Variants in EGLN1 observed in about 807,000 individuals in gnomAD.
EGLN1 encodes egl nine homolog 1.
In EGLN1, 17 loss-of-function variants were observed where a neutral mutation model predicts 38.3. That is an observed-to-expected ratio of 0.44 (90% CI 0.30 to 0.67). The LOEUF is 0.67. Among genes scored for constraint, EGLN1 ranks in the 30% least tolerant of loss-of-function variants. EGLN1 has a pLI of 0.08. For missense variants in EGLN1, 477 were observed against 603.3 expected, an observed-to-expected ratio of 0.79 and a Z score of 2.19; for synonymous variants, 283 against 257.5, an observed-to-expected ratio of 1.10 and a Z score of -0.95.
intron 1 of EGLN1, among the ~76,000 whole-genome samples, chr1:231,391,880 T>C (rs1688398498): frequency 6.6e-6 from 1 of 151,740 alleles, no homozygotes; most frequent in Admixed American, 6.6e-5. Context: ...ATACTAAAAA[T>C]GAAATAATCC....
At chr1:231,391,088 TTTTTTGTGTGTGTG>T (rs1688362210) in intron 1 of EGLN1, among the ~76,000 whole-genome samples, 1 of 34,692 alleles carries the variant, frequency 2.9e-5, no homozygotes, top group East Asian at 1.2e-3. Context: ...ATTCTGTTTT[TTTTTTGTGTGTGTG>T]TGTGTGTGTG....
At chr1:231,409,679 C>T (rs1050352100) in intron 1 of EGLN1, among the ~76,000 whole-genome samples, 44 of 152,062 alleles carry the variant, frequency 2.9e-4, no homozygotes, top group African/African-American at 1.1e-3. Context: ...AAGAGACAGA[C>T]GAAGGAATCT....
chr1:231,393,866 C>A (rs1324414404), intron 1 of EGLN1, among the ~76,000 whole-genome samples: 1 of 152,174 alleles, frequency 6.6e-6, no homozygotes, highest in Non-Finnish European at 1.5e-5. Context: ...CAGTAGGAGT[C>A]ATCCTAGACT....
At chr1:231,372,999 GTTATAC>G (rs1558379150) in intron 2 of EGLN1, among the ~76,000 whole-genome samples, 1 of 152,042 alleles carries the variant, frequency 6.6e-6, no homozygotes, top group Non-Finnish European at 1.5e-5. Context: ...CTATTTGAAT[GTTATAC>G]TTAAGATTTT....
chr1:231,415,586 T>C (rs74143867), intron 1 of EGLN1, among the ~76,000 whole-genome samples: 23,033 of 152,158 alleles, frequency 0.15, 2,143 homozygotes, highest in African/African-American at 0.25. Flanking sequence ...ATCAGAAAGA[T>C]AGCAAATTTT....
chr1:231,370,949 G>C (rs1382172983), intron 2 of EGLN1, among the ~76,000 whole-genome samples: 2 of 152,192 alleles, frequency 1.3e-5, no homozygotes, highest in South Asian at 2.1e-4. Flanking sequence ...GAGTGCAGTG[G>C]CACAATCTCA....
rs549470454 is a variant in EGLN1 at position 231,366,031 on chromosome 1, T to C, written c.*380A>G. On this transcript the variant is annotated 3_prime_UTR_variant, in exon 5 of 5. Transcript: ENST00000366641. ...CAGTTTAGATAAATTGTACCTAATATAGAAAAATTATCCCAAATTCAAACT... is the reference window on the plus strand; with the variant it reads ...CAGTTTAGATAAATTGTACCTAATACAGAAAAATTATCCCAAATTCAAACT... 6 of 237,860 alleles carry C rather than the reference T, an allele frequency of 2.5e-5. No individual in the cohort carries two copies. Among genetic ancestry groups the C allele is most frequent in the African/African-American group, 4.6e-5 (2 of 43,804 alleles). 14.7% of individuals were successfully genotyped at this position (237,860 alleles called of 1,614,324 possible).
chr1:231,389,730 C>G (rs779500965), intron 1 of EGLN1, among the ~76,000 whole-genome samples: 1 of 152,152 alleles, frequency 6.6e-6, no homozygotes, highest in Non-Finnish European at 1.5e-5. Flanking sequence ...AGGCGGGTCA[C>G]GAGGTCAAGA....
intron 1 of EGLN1, among the ~76,000 whole-genome samples, chr1:231,375,257 T>C (rs1227259266): frequency 2.0e-5 from 3 of 152,170 alleles, no homozygotes; most frequent in East Asian, 3.9e-4. Flanking sequence ...GGTTTCACCA[T>C]GTTGGCCAAG....
At chr1:231,414,567 A>G (rs1309987041) in intron 1 of EGLN1, among the ~76,000 whole-genome samples, 1 of 152,190 alleles carries the variant, frequency 6.6e-6, no homozygotes, top group Non-Finnish European at 1.5e-5. Flanking sequence ...AGATGGATAA[A>G]GAACATTTAA....
intron 1 of EGLN1, among the ~76,000 whole-genome samples, chr1:231,387,252 CA>C (rs1688239397): frequency 6.6e-6 from 1 of 151,428 alleles, no homozygotes; most frequent in African/African-American, 2.4e-5. Flanking sequence ...CACACACACA[CA>C]CACCCCCCTA....
At chr1:231,391,424 C>T (rs2749706) in intron 1 of EGLN1, among the ~76,000 whole-genome samples, 1 of 151,806 alleles carries the variant, frequency 6.6e-6, no homozygotes, top group Non-Finnish European at 1.5e-5. Flanking sequence ...AGAGGGGAAT[C>T]CCAAAGGACA....
intron 2 of EGLN1, among the ~76,000 whole-genome samples, chr1:231,371,601 C>T (rs776071191): frequency 2.9e-4 from 44 of 152,178 alleles, no homozygotes; most frequent in Non-Finnish European, 5.0e-4. Context: ...GCTTGTGAAA[C>T]TTGATTCTAC....
At chr1:231,387,606 G>A (rs1325790426) in intron 1 of EGLN1, among the ~76,000 whole-genome samples, 18 of 152,052 alleles carry the variant, frequency 1.2e-4, no homozygotes, top group Non-Finnish European at 2.9e-5. Flanking sequence ...TGATCTGCCC[G>A]CCTCGGCCTC....
chr1:231,368,627 A>C (rs1289693012), intron 3 of EGLN1, among the ~76,000 whole-genome samples: 1 of 152,254 alleles, frequency 6.6e-6, no homozygotes, highest in East Asian at 1.9e-4. Context: ...ACAAATCACC[A>C]GTTCCTGGGC....
chr1:231,384,438 C>A, intron 1 of EGLN1, among the ~76,000 whole-genome samples: 1 of 149,566 alleles, frequency 6.7e-6, no homozygotes. Flanking sequence ...GAATATAATG[C>A]TAGAATGTAA....
At chr1:231,416,498 C>T (rs1035946625) in intron 1 of EGLN1, among the ~76,000 whole-genome samples, 3 of 150,640 alleles carry the variant, frequency 2.0e-5, no homozygotes, top group Admixed American at 1.3e-4. Flanking sequence ...AATCATCCCA[C>T]CTGAGACCAT....
At chr1:231,415,019 C>G (rs1173436144) in intron 1 of EGLN1, among the ~76,000 whole-genome samples, 1 of 152,042 alleles carries the variant, frequency 6.6e-6, no homozygotes, top group Non-Finnish European at 1.5e-5. Context: ...CAGGCATGAG[C>G]CAGCACTTTG....
Position 231,421,193 on chromosome 1 carries a change from G to A in EGLN1, c.696C>T (p.Thr232=), listed in dbSNP as rs779710286. The change falls in exon 1 of 5, where the codon ACC becomes ACT. Residue 232 remains threonine (T), a synonymous_variant. Transcript: ENST00000366641. The surrounding 1 kb of genome is among the most constrained non-coding windows in gnomAD (Gnocchi z 5.5). ...CCAGCTGCCCGTCCGTGAACTTCCC[G>A]GTGTCGTGCAGGGCGCGCACCTCGT... ...IGDEVRALHD[T]GKFTDGQLVS... is the part of the protein sequence containing the mutation. 3.7e-6 allele frequency: 6 copies of A among 1,614,006 alleles called. No homozygotes were observed. In the South Asian group the frequency reaches 4.4e-5, roughly 12 times the overall value.
Sources: allele counts gnomAD v4.1 joint callset (sites outside exome capture counted in the v4.1 genomes callset), GRCh38; gene constraint gnomAD v4.1.1; non-coding constraint Gnocchi (gnomAD v3.1); transcripts MANE v1.5; gene names NCBI Gene and HGNC (gene_info 2026-07-23, HGNC 2026-07-21).